The following TBC1D19 variants were observed in gnomAD, a reference collection of about 807,000 sequenced individuals.
TBC1D19 encodes the protein TBC1 domain family, member 19.
Under a neutral mutation model 89.0 loss-of-function variants are expected in TBC1D19, and 60 were observed. The observed-to-expected ratio is 0.67, with a 90% CI of 0.55 to 0.84. The LOEUF (loss-of-function observed/expected upper bound fraction) is 0.84. Ranked by LOEUF, TBC1D19 falls within the 40% of genes least tolerant of loss-of-function variation. The pLI, the probability that TBC1D19 is intolerant of heterozygous loss-of-function variation, is 0.00. For synonymous variants in TBC1D19, 189 were observed against 199.7 expected (o/e 0.95, Z 0.45); for missense variants, 500 against 610.8 (o/e 0.82, Z 1.91).
intron 16 of TBC1D19, among the ~76,000 whole-genome samples, chr4:26,738,803 A>G (rs755805798): frequency 1.5e-3 from 229 of 152,182 alleles, no homozygotes; most frequent in Middle Eastern, 6.8e-3. Context: ...TATCCCAGAA[A>G]ATTGAACTTT....
chr4:26,671,965 GTTT>G (rs1712350467), intron 9 of TBC1D19, among the ~76,000 whole-genome samples, 181 bp from the exon 10 acceptor site: 2 of 151,618 alleles, frequency 1.3e-5, no homozygotes, highest in African/African-American at 4.8e-5. Context: ...TCATAACTCT[GTTT>G]TAATTTTAAA....
intron 15 of TBC1D19, among the ~76,000 whole-genome samples, chr4:26,724,089 A>C (rs1717147247): frequency 6.6e-6 from 1 of 152,210 alleles, no homozygotes; most frequent in Non-Finnish European, 1.5e-5. Flanking sequence ...AGAAGAGAGT[A>C]CACAGCATGT....
chr4:26,799,951 T>TAA, the TBC1D19 span, among the ~76,000 whole-genome samples: 4 of 151,778 alleles, frequency 2.6e-5, no homozygotes, highest in Admixed American at 6.6e-5. Flanking sequence ...ATTCTTTTTT[T>TAA]TAAAAAACTG....
In TBC1D19 at chr4:26,584,157, G is replaced by T. The variant is rs535496725; in HGVS notation, c.-37G>T. On this transcript the variant is annotated 5_prime_UTR_variant, in exon 1 of 21. Coordinates refer to ENST00000264866, the MANE Select transcript of TBC1D19 (RefSeq NM_018317.4). ...GTAGCCCGTTCGCTCCGCGCCGGCG[G>T]CCTGTCCCCGCGGCTTGGCGGGCTA... 9 of 1,595,210 alleles carry T rather than the reference G, an allele frequency of 5.6e-6. No individual in the cohort carries two copies. In the East Asian group the frequency reaches 1.1e-4, roughly 20 times the overall value.
At position 26,595,062 on chromosome 4, in the gene TBC1D19, G is replaced by A. The variant is rs546913069; in HGVS notation, c.99+10770G>A. ...TGCCATTTTGCATTCCCACCAGCAAGAAATGAGAGTGCTGGTTGCTCCACA... is the reference window on the plus strand; with the variant it reads ...TGCCATTTTGCATTCCCACCAGCAAAAAATGAGAGTGCTGGTTGCTCCACA... On this transcript the variant is annotated intron_variant, in intron 1 of 20. Transcript: ENST00000264866. Among the ~76,000 whole-genome samples the A allele has an allele frequency of 3.9e-5, 6 of 152,342 alleles. No individual in the cohort carries two copies. In the East Asian group the frequency reaches 1.2e-3, roughly 29 times the overall value.
chr4:26,846,174 C>T, the TBC1D19 span, among the ~76,000 whole-genome samples: 8 of 152,140 alleles, frequency 5.3e-5, no homozygotes, highest in African/African-American at 1.9e-4. Flanking sequence ...TGTTGATGGA[C>T]ATTTGAGTGG....
chr4:26,830,069 C>T, the TBC1D19 span, among the ~76,000 whole-genome samples: 1 of 152,140 alleles, frequency 6.6e-6, no homozygotes, highest in South Asian at 2.1e-4. Context: ...TTATGGTTTC[C>T]TGACCCACAG....
chr4:26,614,665 C>A (rs1326919484), intron 3 of TBC1D19, among the ~76,000 whole-genome samples: 2 of 151,914 alleles, frequency 1.3e-5, no homozygotes, highest in African/African-American at 4.8e-5. Context: ...TTTTTTACCA[C>A]CCACTATTGA....
At chr4:26,596,735 T>G (rs903225042) in intron 1 of TBC1D19, among the ~76,000 whole-genome samples, 1 of 152,082 alleles carries the variant, frequency 6.6e-6, no homozygotes, top group African/African-American at 2.4e-5. Context: ...GGTTATAATT[T>G]TTCTTCTGAG....
the TBC1D19 span, among the ~76,000 whole-genome samples, chr4:26,799,364 A>C: frequency 6.6e-6 from 1 of 152,152 alleles, no homozygotes; most frequent in South Asian, 2.1e-4. Context: ...ACAAACAAAC[A>C]AAAAACTAAG....
the TBC1D19 span, among the ~76,000 whole-genome samples, chr4:26,763,860 G>A: frequency 6.6e-6 from 1 of 152,232 alleles, no homozygotes; most frequent in Non-Finnish European, 1.5e-5. Flanking sequence ...GTTAGGGGAA[G>A]TCTATCACCA....
chr4:26,777,237 C>T, the TBC1D19 span, among the ~76,000 whole-genome samples: 11 of 150,878 alleles, frequency 7.3e-5, no homozygotes, highest in African/African-American at 2.0e-4. Context: ...TGGGTTCAAG[C>T]GATTCTCCTG....
At chr4:26,814,901 T>G in the TBC1D19 span, among the ~76,000 whole-genome samples, 1 of 152,056 alleles carries the variant, frequency 6.6e-6, no homozygotes, top group Non-Finnish European at 1.5e-5. Context: ...ACGCGCCTGT[T>G]GTCCCAGCTA....
intron 7 of TBC1D19, among the ~76,000 whole-genome samples, chr4:26,644,204 A>T (rs1055129810): frequency 3.3e-5 from 5 of 152,238 alleles, no homozygotes; most frequent in African/African-American, 4.8e-5. Context: ...ATCCAGCAGC[A>T]TATCAAAAAG....
At chr4:26,720,635 T>C (rs1162037262) in intron 15 of TBC1D19, among the ~76,000 whole-genome samples, 1 of 152,144 alleles carries the variant, frequency 6.6e-6, no homozygotes, top group Non-Finnish European at 1.5e-5. Context: ...TTGAGATAAC[T>C]AGACAGGTTT....
chr4:26,794,477 A>G, the TBC1D19 span, among the ~76,000 whole-genome samples: 2 of 152,166 alleles, frequency 1.3e-5, no homozygotes, highest in Admixed American at 6.5e-5. Context: ...AGGAGGTACA[A>G]CCATGTTACA....
chr4:26,838,060 G>A, the TBC1D19 span, among the ~76,000 whole-genome samples: 2 of 152,138 alleles, frequency 1.3e-5, no homozygotes, highest in African/African-American at 4.8e-5. Context: ...TGGCTAAAGA[G>A]TGGTTGAATT....
the TBC1D19 span, among the ~76,000 whole-genome samples, chr4:26,775,150 A>C: frequency 6.6e-6 from 1 of 152,202 alleles, no homozygotes; most frequent in Non-Finnish European, 1.5e-5. Flanking sequence ...TCCAAAACTC[A>C]TGTTGAAATT....
chr4:26,819,699 TCTCA>T, the TBC1D19 span, among the ~76,000 whole-genome samples: 396 of 152,306 alleles, frequency 2.6e-3, 2 homozygotes, highest in African/African-American at 9.0e-3. Flanking sequence ...GGGCTTCCCA[TCTCA>T]CTCAGAGTAA....
Sources: gnomAD v4.1 joint callset for allele counts (sites outside exome capture counted in the v4.1 genomes callset) on GRCh38, gnomAD v4.1.1 for gene constraint, MANE v1.5 for transcripts, NCBI Gene and HGNC (gene_info 2026-07-23, HGNC 2026-07-21) for gene names.